The following MYO1B variants were observed in gnomAD, a reference collection of about 807,000 sequenced individuals.
MYO1B encodes unconventional myosin-Ib.
MYO1B carries 72 observed loss-of-function variants against 159.7 expected under a neutral mutation model. The ratio of observed to expected loss-of-function variants is 0.45; its 90% CI spans 0.37 to 0.55. MYO1B has a LOEUF of 0.55. MYO1B is among the 20% of genes least tolerant of loss of function. The pLI, the probability that MYO1B is intolerant of heterozygous loss-of-function variation, is 0.00. For missense variants in MYO1B, 1,062 were observed against 1,364.8 expected, an observed-to-expected ratio of 0.78 and a Z score of 3.50; for synonymous variants, 468 against 473.8, an observed-to-expected ratio of 0.99 and a Z score of 0.16.
At chr2:191,326,813 T>TGTGC (rs1217840845) in intron 3 of MYO1B, among the ~76,000 whole-genome samples, 2 of 143,990 alleles carry the variant, frequency 1.4e-5, no homozygotes, top group African/African-American at 5.1e-5. Context: ...TGTGTGTGTG[T>TGTGC]GTGCGCGCGC....
chr2:191,273,196 G>A (rs1216777974), intron 1 of MYO1B, among the ~76,000 whole-genome samples: 1 of 152,110 alleles, frequency 6.6e-6, no homozygotes, highest in Non-Finnish European at 1.5e-5. Flanking sequence ...TCAGCTCACT[G>A]CAACCTCCAC....
At chr2:191,280,254 A>T (rs1687977514) in intron 2 of MYO1B, among the ~76,000 whole-genome samples, 1 of 152,110 alleles carries the variant, frequency 6.6e-6, no homozygotes, top group South Asian at 2.1e-4. Context: ...GGCATTCTGG[A>T]GTTAGTTGGA....
intron 3 of MYO1B, among the ~76,000 whole-genome samples, chr2:191,307,769 A>G (rs1689741789): frequency 6.6e-6 from 1 of 152,162 alleles, no homozygotes; most frequent in Non-Finnish European, 1.5e-5. Flanking sequence ...CAGGTTCAAT[A>G]ATTTGCTAGA....
rs756434208 is a variant in MYO1B, at chr2:191,414,191, T to A, written c.3006+11T>A. 1 of 1,609,290 alleles carries A rather than the reference T, an allele frequency of 6.2e-7. No individual in the cohort carries two copies. The highest frequency in any genetic ancestry group is 1.1e-5 in the South Asian group (1 of 89,420). On this transcript the variant is annotated intron_variant, in intron 28 of 30. Transcript: ENST00000392318. ...CGTGCTAATGGGAAGGTAAAAATGCTAACCTTGAAGACTGATAAGAAGTAC... is the reference window on the plus strand; with the variant it reads ...CGTGCTAATGGGAAGGTAAAAATGCAAACCTTGAAGACTGATAAGAAGTAC...
At chr2:191,409,002 G>A (rs937469222) in intron 25 of MYO1B, 42 bp from the exon 26 acceptor site, 2 of 1,572,792 alleles carry the variant, frequency 1.3e-6, no homozygotes, top group Middle Eastern at 2.1e-4. Context: ...GTCTTTTGTG[G>A]TATATTTTCC....
intron 6 of MYO1B, among the ~76,000 whole-genome samples, chr2:191,347,407 G>C (rs1692636768): frequency 6.6e-6 from 1 of 152,216 alleles, no homozygotes; most frequent in Non-Finnish European, 1.5e-5. Context: ...TAGAAGTGAA[G>C]TGTGGGCGAT....
chr2:191,392,265 T>G, intron 19 of MYO1B, 64 bp downstream of exon 19: 1 of 1,228,126 alleles, frequency 8.1e-7, no homozygotes, highest in Non-Finnish European at 1.2e-6. Context: ...GTTCTTAAAA[T>G]ATGTTTAACT....
intron 5 of MYO1B, among the ~76,000 whole-genome samples, chr2:191,343,142 G>A (rs1265593585): frequency 1.3e-5 from 2 of 152,144 alleles, no homozygotes; most frequent in African/African-American, 2.4e-5. Flanking sequence ...ATTGTCAGAT[G>A]TCCCCTAGGG....
chr2:191,245,757 C>G (rs1685744472), intron 1 of MYO1B, 131 bp downstream of exon 1: 2 of 150,644 alleles, frequency 1.3e-5, no homozygotes, highest in Non-Finnish European at 3.0e-5. Context: ...CGGGGGTCAG[C>G]GGGCTCTGCC....
chr2:191,314,639 A>C (rs1690229581), intron 3 of MYO1B, among the ~76,000 whole-genome samples: 1 of 152,250 alleles, frequency 6.6e-6, no homozygotes, highest in Admixed American at 6.5e-5. Flanking sequence ...CAGATGGGTG[A>C]TGAATACATA....
rs553152811 is a variant in MYO1B, at chr2:191,299,359, C to T, written c.251+3133C>T. 5.9e-5 allele frequency among the ~76,000 whole-genome samples: 9 copies of T among 152,102 alleles called. No individual in the cohort carries two copies. In the South Asian group the frequency reaches 1.9e-3, roughly 32 times the overall value. On this transcript the variant is annotated intron_variant, in intron 3 of 30. Coordinates refer to ENST00000392318, the MANE Select transcript of MYO1B (RefSeq NM_001130158.3). ...TGAGCAAAGTACAGTTTTACTAATGCATCTGAAGTTGCCAGATCCCTCTCA... is the reference window on the plus strand; with the variant it reads ...TGAGCAAAGTACAGTTTTACTAATGTATCTGAAGTTGCCAGATCCCTCTCA...
intron 19 of MYO1B, among the ~76,000 whole-genome samples, chr2:191,392,564 T>A (rs1286494133): frequency 6.6e-6 from 1 of 152,134 alleles, no homozygotes; most frequent in Non-Finnish European, 1.5e-5. Flanking sequence ...TATTTAGAGG[T>A]ACAGGAAAGC....
intron 1 of MYO1B, among the ~76,000 whole-genome samples, chr2:191,260,446 GTA>G (rs745808424): frequency 9.6e-4 from 146 of 151,776 alleles, no homozygotes; most frequent in Non-Finnish European, 1.9e-3. Flanking sequence ...GGTTTCTGGT[GTA>G]TATGTCTTTA....
At chr2:191,255,152 C>T (rs1686361874) in intron 1 of MYO1B, among the ~76,000 whole-genome samples, 1 of 152,098 alleles carries the variant, frequency 6.6e-6, no homozygotes, top group Non-Finnish European at 1.5e-5. Flanking sequence ...TGGTCTTGAA[C>T]TCCTGGCCTC....
At chr2:191,329,569 G>A (rs530325585) in intron 3 of MYO1B, among the ~76,000 whole-genome samples, 12 of 147,776 alleles carry the variant, frequency 8.1e-5, no homozygotes, top group Non-Finnish European at 1.2e-4. Flanking sequence ...AGCTTGCTGG[G>A]TTTATAAATA....
intron 21 of MYO1B, among the ~76,000 whole-genome samples, chr2:191,398,367 C>G (rs1278357583): frequency 8.6e-6 from 1 of 115,874 alleles, no homozygotes; most frequent in African/African-American, 2.9e-5. Context: ...GTAGGGGCGG[C>G]TGGGCAGAGG....
In MYO1B at chr2:191,423,904, A is replaced by AG; in HGVS notation, c.3356dup (p.Ser1119ArgfsTer6). On this transcript the variant is annotated frameshift_variant, in exon 31 of 31. Transcript: ENST00000392318. LOFTEE classifies it high-confidence loss of function. ...TATTCAGGGAAACCAGAAAAATGGG[A>AG]GTGTCCCAACATGTAAACGAAAAAA... 1 of 1,614,030 alleles carries AG rather than the reference A, an allele frequency of 6.2e-7. No individual in the cohort carries two copies. Among genetic ancestry groups the AG allele is most frequent in the Non-Finnish European group, 8.5e-7 (1 of 1,179,926 alleles).
At chr2:191,261,397 C>T (rs949828124) in intron 1 of MYO1B, among the ~76,000 whole-genome samples, 1 of 152,124 alleles carries the variant, frequency 6.6e-6, no homozygotes, top group Non-Finnish European at 1.5e-5. Flanking sequence ...ATAAAAGTAT[C>T]CTCACTGATA....
intron 3 of MYO1B, among the ~76,000 whole-genome samples, chr2:191,319,506 G>A (rs1198099251): frequency 6.6e-6 from 1 of 152,152 alleles, no homozygotes; most frequent in African/African-American, 2.4e-5. Flanking sequence ...AGTCATGATG[G>A]AACTTACTTG....
Sources: gnomAD v4.1 joint callset for allele counts (sites outside exome capture counted in the v4.1 genomes callset) on GRCh38, gnomAD v4.1.1 for gene constraint, MANE v1.5 for transcripts, NCBI Gene and HGNC (gene_info 2026-07-23, HGNC 2026-07-21) for gene names.